MAK: variants seen among roughly 807,000 people sequenced by gnomAD.
MAK encodes serine/threonine-protein kinase MAK.
Under a neutral mutation model 82.6 loss-of-function variants are expected in MAK, and 65 were observed. The ratio of observed to expected loss-of-function variants is 0.79; its 90% CI spans 0.64 to 0.97. MAK has a LOEUF of 0.97. Among genes scored for constraint, MAK ranks in the 50% least tolerant of loss-of-function variants. The pLI is 0.00. For synonymous variants in MAK, 250 were observed against 274.2 expected (o/e 0.91, Z 0.87); for missense variants, 703 against 780.2 (o/e 0.90, Z 1.18).
At chr6:10,837,495 T>C (rs1032114945) in intron 1 of MAK, among the ~76,000 whole-genome samples, 1 of 152,222 alleles carries the variant, frequency 6.6e-6, no homozygotes, top group African/African-American at 2.4e-5. Flanking sequence ...CCTCGGGAAT[T>C]GAAGGGCCGG....
rs1773761481 is a variant in MAK at position 10,779,443 on chromosome 6, C to T, written c.1466-3984G>A. ...TAACTATGACTCTTGCGTCTCTTTC[C>T]CTGAAGGCCAGTGTCACAGATCCGC... On this transcript the variant is annotated intron_variant, in intron 11 of 14. Transcript: ENST00000354489. 5.1e-6 allele frequency: 5 copies of T among 985,138 alleles called. No individual in the cohort carries two copies. In the South Asian group the frequency reaches 2.3e-4, roughly 46 times the overall value. 61.0% of individuals were successfully genotyped at this position (985,138 alleles called of 1,614,324 possible).
At chr6:10,768,231 C>A (rs191624914) in intron 14 of MAK, among the ~76,000 whole-genome samples, 1 of 151,982 alleles carries the variant, frequency 6.6e-6, no homozygotes, top group African/African-American at 2.4e-5. Context: ...AGAGTAGATA[C>A]CTAGGTAACA....
intron 9 of MAK, among the ~76,000 whole-genome samples, chr6:10,795,603 G>T (rs1306382005): frequency 6.6e-6 from 1 of 152,078 alleles, no homozygotes; most frequent in East Asian, 1.9e-4. Context: ...AAATATCCAG[G>T]CGTGGTGGTG....
intron 2 of MAK, among the ~76,000 whole-genome samples, chr6:10,821,240 C>CTCCAGGTCTAGAATTTTAAA (rs1777917769): frequency 6.6e-6 from 1 of 152,078 alleles, no homozygotes; most frequent in Non-Finnish European, 1.5e-5. Context: ...TGAGCCACCA[C>CTCCAGGTCTAGAATTTTAAA]ACCCAGCCTG....
chr6:10,820,324 C>CT (rs1393075357), intron 2 of MAK, among the ~76,000 whole-genome samples: 1 of 152,034 alleles, frequency 6.6e-6, no homozygotes, highest in African/African-American at 2.4e-5. Context: ...TCCAGAGGCT[C>CT]TATGGGGGTA....
Position 10,830,831 on chromosome 6 carries a change from A to G in MAK, c.-183T>C, listed in dbSNP as rs1457647200. ...ATTACAGAGGTTCATGAGATATAGCATGAAGGAATCGGGCAAGGAAACAAC... is the reference window on the plus strand; with the variant it reads ...ATTACAGAGGTTCATGAGATATAGCGTGAAGGAATCGGGCAAGGAAACAAC... On this transcript the variant is annotated 5_prime_UTR_variant, in exon 2 of 15. An upstream start codon of the reference 5' UTR is lost. Coordinates refer to ENST00000354489, the MANE Select transcript of MAK (RefSeq NM_001242957.3). The G allele has an allele frequency of 1.6e-6, 1 of 643,396 alleles. No homozygotes were observed. The highest frequency in any genetic ancestry group is 2.8e-6 in the Non-Finnish European group (1 of 351,438). The allele number at this position is 643,396 out of a possible 1,614,324, so 39.9% of individuals were successfully genotyped here. A position where few individuals can be genotyped will look rare whatever the true frequency, so the allele number is the denominator to read the frequency against.
chr6:10,830,166 C>A (rs912145662), intron 2 of MAK, among the ~76,000 whole-genome samples: 4 of 132,060 alleles, frequency 3.0e-5, no homozygotes, highest in Admixed American at 8.3e-5. Context: ...TGCGTGTGCA[C>A]GTATATATAT....
chr6:10,782,201 GTCACACACACACACAC>G (rs1209912120), intron 11 of MAK, among the ~76,000 whole-genome samples: 2 of 119,960 alleles, frequency 1.7e-5, no homozygotes, highest in Non-Finnish European at 3.4e-5. Context: ...GTGAAACTCT[GTCACACACACACACAC>G]ACACACACAC....
At chr6:10,781,421 A>ATTTTT (rs1007040142) in intron 11 of MAK, among the ~76,000 whole-genome samples, 1 of 134,458 alleles carries the variant, frequency 7.4e-6, no homozygotes, top group Non-Finnish European at 1.6e-5. Context: ...TCAAAAGTAG[A>ATTTTT]TTTTTTTTTT....
intron 11 of MAK, among the ~76,000 whole-genome samples, chr6:10,777,788 G>A (rs1766953): frequency 0.7 from 106,607 of 151,778 alleles, 38,254 homozygotes; most frequent in East Asian, 0.87. Context: ...ACAGGCATGC[G>A]CCATCACGCC....
intron 11 of MAK, chr6:10,779,543 T>C (rs1420777393): frequency 7.4e-6 from 7 of 943,128 alleles, no homozygotes; most frequent in Non-Finnish European, 8.8e-6. Context: ...ATCCTAAAAG[T>C]CGATGCTTAA....
At chr6:10,831,378 A>G (rs1209343368) in intron 1 of MAK, among the ~76,000 whole-genome samples, 2 of 152,260 alleles carry the variant, frequency 1.3e-5, no homozygotes, top group African/African-American at 4.8e-5. Flanking sequence ...TTTAAATAAC[A>G]TGCTACTTTA....
intron 11 of MAK, among the ~76,000 whole-genome samples, chr6:10,778,258 G>A (rs1265599387): frequency 6.6e-6 from 1 of 152,176 alleles, no homozygotes; most frequent in Admixed American, 6.5e-5. Flanking sequence ...CTAATGAGAA[G>A]GGAGACAGTT....
At chr6:10,831,003 G>T in intron 1 of MAK, 126 bp from the exon 2 acceptor site, 1 of 316,790 alleles carries the variant, frequency 3.2e-6, no homozygotes, top group Non-Finnish European at 6.1e-6. Context: ...ATATTTGTCA[G>T]TAAGTCATTT....
chr6:10,835,765 G>A (rs1174833372), intron 1 of MAK, among the ~76,000 whole-genome samples: 1 of 152,142 alleles, frequency 6.6e-6, no homozygotes, highest in East Asian at 1.9e-4. Flanking sequence ...TGGTAATGAT[G>A]GTAGCGAGTG....
At chr6:10,806,404 C>T (rs1006736955) in intron 6 of MAK, among the ~76,000 whole-genome samples, 1 of 151,962 alleles carries the variant, frequency 6.6e-6, no homozygotes, top group Non-Finnish European at 1.5e-5. Flanking sequence ...TCTTCGCTCA[C>T]TGCAAGCTCC....
chr6:10,782,986 GT>G (rs1324238470), intron 11 of MAK, among the ~76,000 whole-genome samples: 8 of 152,142 alleles, frequency 5.3e-5, no homozygotes, highest in Non-Finnish European at 1.2e-4. Context: ...CTTTTCTCTT[GT>G]TTGCCATGCC....
chr6:10,811,129 G>C (rs755522541), intron 5 of MAK, among the ~76,000 whole-genome samples: 19 of 152,218 alleles, frequency 1.2e-4, no homozygotes, highest in Non-Finnish European at 2.2e-4. Flanking sequence ...GTCCCAAGTA[G>C]CTGGGATTAC....
Position 10,795,982 on chromosome 6 carries a change from A to G in MAK, c.1143+16T>C, listed in dbSNP as rs777957795. 4.3e-6 allele frequency: 7 copies of G among 1,612,336 alleles called. No homozygotes were observed. Among genetic ancestry groups the G allele is most frequent in the Admixed American group, 1.7e-5 (1 of 59,982 alleles). ...GTCAAACTATTTCATTGCAAGTGTC[A>G]TGACTGGCTACTCACAGTTGGCATG... On this transcript the variant is annotated intron_variant, in intron 9 of 14. Coordinates refer to ENST00000354489, the MANE Select transcript of MAK (RefSeq NM_001242957.3).
Sources: gnomAD v4.1 joint callset for allele counts (sites outside exome capture counted in the v4.1 genomes callset) on GRCh38, gnomAD v4.1.1 for gene constraint, MANE v1.5 for transcripts, NCBI Gene and HGNC (gene_info 2026-07-23, HGNC 2026-07-21) for gene names.